The following RNLS variants were observed in gnomAD, a reference collection of about 807,000 sequenced individuals.
RNLS encodes the protein renalase, FAD dependent amine oxidase.
RNLS carries 39 observed loss-of-function variants against 39.8 expected under a neutral mutation model. That is an observed-to-expected ratio of 0.98 (90% CI 0.76 to 1.28). The LOEUF is 1.28. Among genes scored for constraint, RNLS ranks in the 50% most tolerant of loss-of-function variants. The pLI is 0.00. For synonymous variants in RNLS, 147 were observed against 150.7 expected (o/e 0.98, Z 0.18); for missense variants, 410 against 413.3 (o/e 0.99, Z 0.07).
At chr10:88,231,718 G>A in the RNLS span, among the ~76,000 whole-genome samples, 1 of 152,168 alleles carries the variant, frequency 6.6e-6, no homozygotes, top group Non-Finnish European at 1.5e-5. Context: ...GTTAAGATGA[G>A]CCCAAAGAGT....
chr10:88,293,441 T>G (rs1843826286), intron 6 of RNLS, among the ~76,000 whole-genome samples: 1 of 152,108 alleles, frequency 6.6e-6, no homozygotes, highest in South Asian at 2.1e-4. Flanking sequence ...ACAAAGGTAG[T>G]TTTTCCCAAA....
intron 4 of RNLS, among the ~76,000 whole-genome samples, chr10:88,532,988 G>A (rs1344149251): frequency 2.0e-5 from 3 of 152,118 alleles, no homozygotes; most frequent in Middle Eastern, 3.4e-3. Context: ...TGTTGGTGCT[G>A]CAAAAGTCAA....
At chr10:88,418,427 A>C (rs553104404) in intron 4 of RNLS, among the ~76,000 whole-genome samples, 5 of 152,316 alleles carry the variant, frequency 3.3e-5, no homozygotes, top group African/African-American at 1.2e-4. Context: ...ACAGTATATT[A>C]GTTAGTTTAG....
chr10:88,457,621 T>C (rs1464017702), intron 4 of RNLS, among the ~76,000 whole-genome samples: 1 of 152,202 alleles, frequency 6.6e-6, no homozygotes, highest in Non-Finnish European at 1.5e-5. Flanking sequence ...TTAGGGTTTA[T>C]GAGGTTTCTG....
chr10:88,462,001 A>G (rs1262863596), intron 4 of RNLS, among the ~76,000 whole-genome samples: 1 of 152,096 alleles, frequency 6.6e-6, no homozygotes, highest in Admixed American at 6.6e-5. Flanking sequence ...CACAGTTTCA[A>G]GGGACCATAT....
At chr10:88,338,722 C>T (rs1352816452) in intron 5 of RNLS, among the ~76,000 whole-genome samples, 1 of 150,716 alleles carries the variant, frequency 6.6e-6, no homozygotes, top group Non-Finnish European at 1.5e-5. Flanking sequence ...TTGAATATCA[C>T]TCATCATGTG....
chr10:88,415,452 T>C (rs1853956085), intron 4 of RNLS, among the ~76,000 whole-genome samples: 1 of 152,240 alleles, frequency 6.6e-6, no homozygotes, highest in Non-Finnish European at 1.5e-5. Context: ...TCCTATTTAT[T>C]AGACTGGTGC....
Position 88,408,981 on chromosome 10 carries a change from T to C in RNLS, c.527-46256A>G, listed in dbSNP as rs146055735. Among the ~76,000 whole-genome samples, 180 of 152,224 alleles carry C rather than the reference T, an allele frequency of 1.2e-3. 1 individual carries two copies. The highest frequency in any genetic ancestry group is 2.4e-3 in the Admixed American group (37 of 15,282). ...CTTAGTGGAGACCCATTTCTGAAAA[T>C]GTAATTTAAATAACTAGCAAAGTAT... On this transcript the variant is annotated intron_variant, in intron 4 of 6. Transcript: ENST00000331772.
At chr10:88,458,358 G>T (rs1842753085) in intron 4 of RNLS, among the ~76,000 whole-genome samples, 1 of 152,108 alleles carries the variant, frequency 6.6e-6, no homozygotes, top group Admixed American at 6.6e-5. Flanking sequence ...GGACCCTCAC[G>T]CACAGTTCCT....
At chr10:88,231,358 G>T in the RNLS span, among the ~76,000 whole-genome samples, 36 of 152,192 alleles carry the variant, frequency 2.4e-4, no homozygotes, top group African/African-American at 8.4e-4. Flanking sequence ...CAGGAGAGAG[G>T]CCTCAGAAGA....
At chr10:88,433,541 C>T (rs192868048) in intron 4 of RNLS, among the ~76,000 whole-genome samples, 7 of 152,052 alleles carry the variant, frequency 4.6e-5, no homozygotes, top group African/African-American at 1.7e-4. Context: ...TTAAAAGAGG[C>T]AATTTTACTA....
At chr10:88,220,287 C>T in the RNLS span, among the ~76,000 whole-genome samples, 2,289 of 152,164 alleles carry the variant, frequency 0.015, 25 homozygotes, top group South Asian at 0.03. Flanking sequence ...GGAGTCAGCT[C>T]GAAGAAGGAG....
intron 4 of RNLS, among the ~76,000 whole-genome samples, chr10:88,492,756 T>C (rs1252125979): frequency 6.6e-6 from 1 of 151,998 alleles, no homozygotes; most frequent in Non-Finnish European, 1.5e-5. Context: ...CTCCCCAGTT[T>C]TGTGTGTGTG....
chr10:88,351,675 C>T (rs1346338097), intron 5 of RNLS, among the ~76,000 whole-genome samples: 2 of 151,890 alleles, frequency 1.3e-5, no homozygotes, highest in Non-Finnish European at 2.9e-5. Flanking sequence ...ATGCCTCCAG[C>T]TTTGTTAGCA....
At chr10:88,339,305 A>C (rs1268713257) in intron 5 of RNLS, among the ~76,000 whole-genome samples, 2 of 152,206 alleles carry the variant, frequency 1.3e-5, no homozygotes, top group Non-Finnish European at 2.9e-5. Context: ...GAATGCATAG[A>C]TTAGGTAGGA....
In RNLS at chr10:88,583,271, G is replaced by C; in HGVS notation, c.-81C>G. ...GGCTTTCTGGAAAGGCGGCCGAACC[G>C]GCGCTAGCGCTCTTTGGTTCCGTGC... On this transcript the variant is annotated 5_prime_UTR_variant, in exon 1 of 7. Coordinates refer to ENST00000331772, the MANE Select transcript of RNLS (RefSeq NM_001031709.3). 6.4e-7 allele frequency: 1 copy of C among 1,573,614 alleles called. No individual in the cohort carries two copies. The highest frequency in any genetic ancestry group is 8.6e-7 in the Non-Finnish European group (1 of 1,165,802).
chr10:88,278,029 A>T (rs1842875259), intron 6 of RNLS, among the ~76,000 whole-genome samples: 1 of 152,146 alleles, frequency 6.6e-6, no homozygotes, highest in Non-Finnish European at 1.5e-5. Context: ...AACTATTAAC[A>T]TTTCTTAGTA....
intron 6 of RNLS, among the ~76,000 whole-genome samples, chr10:88,301,209 G>A (rs974235170): frequency 1.6e-4 from 25 of 152,202 alleles, no homozygotes; most frequent in East Asian, 5.8e-4. Flanking sequence ...GGAATTTTGC[G>A]AAAAGGGGAA....
chr10:88,499,643 AC>A (rs1249496484), intron 4 of RNLS, among the ~76,000 whole-genome samples: 1 of 151,896 alleles, frequency 6.6e-6, no homozygotes, highest in African/African-American at 2.4e-5. Context: ...ACTTCTTTGG[AC>A]CATCCCCACA....
Sources: allele counts gnomAD v4.1 joint callset (sites outside exome capture counted in the v4.1 genomes callset), GRCh38; gene constraint gnomAD v4.1.1; transcripts MANE v1.5; gene names NCBI Gene and HGNC (gene_info 2026-07-23, HGNC 2026-07-21).